Variants in ZC3H12C observed in about 807,000 individuals in gnomAD.
The protein encoded by ZC3H12C is probable ribonuclease ZC3H12C.
In ZC3H12C, 20 loss-of-function variants were observed where a neutral mutation model predicts 76.3. That is an observed-to-expected ratio of 0.26 (90% CI 0.18 to 0.38). The LOEUF is 0.38. ZC3H12C is among the 10% of genes least tolerant of loss of function. The probability of loss-of-function intolerance (pLI) is 1.00; values close to 1 mark genes in which losing one functional copy is unlikely to be tolerated. For missense variants in ZC3H12C, 874 were observed against 1,086.5 expected (o/e 0.80, Z 2.75); for synonymous variants, 352 against 399.6 (o/e 0.88, Z 1.42).
At position 110,138,559 on chromosome 11, in the gene ZC3H12C, TC is replaced by T. The variant is rs1357410262; in HGVS notation, c.773+1146del. ...TTATTAATGAGATAGTTTACATTAT[TC>T]TTTTTTTTTTTTTTTAAGACAACGT... On this transcript the variant is annotated intron_variant, in intron 2 of 5. Coordinates refer to ENST00000278590, the MANE Select transcript of ZC3H12C (RefSeq NM_033390.2). Among the ~76,000 whole-genome samples, 381 of 151,890 alleles carry T rather than the reference TC, an allele frequency of 2.5e-3. 1 individual carries two copies. The highest frequency in any genetic ancestry group is 4.4e-3 in the Non-Finnish European group (299 of 67,962).
At chr11:110,163,681 C>T (rs1486412065) in intron 5 of ZC3H12C, among the ~76,000 whole-genome samples, 1 of 152,158 alleles carries the variant, frequency 6.6e-6, no homozygotes, top group East Asian at 1.9e-4. Flanking sequence ...ATCAGATGAG[C>T]ATGGTTCTAT....
At chr11:110,095,785 G>T (rs1007884816) in intron 1 of ZC3H12C, among the ~76,000 whole-genome samples, 1 of 152,180 alleles carries the variant, frequency 6.6e-6, no homozygotes, top group Non-Finnish European at 1.5e-5. Flanking sequence ...AGTGAACCCT[G>T]GAAGGAAAGC....
chr11:110,099,052 G>A (rs552669873), intron 1 of ZC3H12C, among the ~76,000 whole-genome samples: 43 of 152,096 alleles, frequency 2.8e-4, no homozygotes, highest in Non-Finnish European at 4.7e-4. Flanking sequence ...TCCTACATTC[G>A]CTCTCTCATT....
chr11:110,100,548 C>T (rs1428799343), intron 1 of ZC3H12C, among the ~76,000 whole-genome samples: 1 of 152,114 alleles, frequency 6.6e-6, no homozygotes, highest in Non-Finnish European at 1.5e-5. Context: ...AGCATTTGCT[C>T]CCTTTGTGTT....
At chr11:110,159,091 A>G (rs899959211) in intron 3 of ZC3H12C, among the ~76,000 whole-genome samples, 165 bp from the exon 4 acceptor site, 2 of 152,196 alleles carry the variant, frequency 1.3e-5, no homozygotes, top group East Asian at 1.9e-4. Context: ...GAAAAATACT[A>G]TTGAGAGTTG....
rs1374855664 is a variant in ZC3H12C, at chr11:110,170,270, GATAAATGGGAA to G, written c.*4534_*4544del. ...CTTTCATAAACTTTTCATTTCTGTT[GATAAATGGGAA>G]TCCCTTACCAACCTTTTGTTTTTTA... On this transcript the variant is annotated 3_prime_UTR_variant, in exon 6 of 6. Coordinates refer to ENST00000278590, the MANE Select transcript of ZC3H12C (RefSeq NM_033390.2). 6 of 151,952 alleles carry G rather than the reference GATAAATGGGAA, an allele frequency of 3.9e-5. No homozygotes were observed. Among genetic ancestry groups the G allele is most frequent in the African/African-American group, 1.4e-4 (6 of 41,380 alleles). 9.4% of individuals were successfully genotyped at this position (151,952 alleles called of 1,614,324 possible). A position where few individuals can be genotyped will look rare whatever the true frequency, so the allele number is the denominator to read the frequency against.
chr11:110,150,955 G>A (rs747962655), intron 2 of ZC3H12C, among the ~76,000 whole-genome samples: 25 of 152,124 alleles, frequency 1.6e-4, no homozygotes, highest in South Asian at 2.1e-4. Context: ...GGATGTTTTC[G>A]GCTGCAAATA....
chr11:110,094,231 G>A (rs1047243429), intron 1 of ZC3H12C, among the ~76,000 whole-genome samples: 6 of 152,162 alleles, frequency 3.9e-5, no homozygotes, highest in African/African-American at 1.4e-4. Flanking sequence ...TCGGTGTTTT[G>A]TGATAAAGAG....
intron 1 of ZC3H12C, among the ~76,000 whole-genome samples, chr11:110,111,083 G>A (rs1490971701): frequency 6.6e-6 from 1 of 152,198 alleles, no homozygotes; most frequent in Non-Finnish European, 1.5e-5. Context: ...GAGTGAAGAT[G>A]TGGCAGGTGG....
rs570777228 is a variant in ZC3H12C at position 110,130,503 on chromosome 11, A to G, written c.22-6160A>G. ...TCATTTCACCAGTAACTCATTTATT[A>G]AAGACAGGGATTACTGCAATAGTTA... On this transcript the variant is annotated intron_variant, in intron 1 of 5. Transcript: ENST00000278590. Among the ~76,000 whole-genome samples the G allele has an allele frequency of 2.0e-5, 3 of 152,342 alleles. 1 individual carries two copies. The South Asian group carries it at 6.2e-4, about 32-fold the overall frequency.
rs571960705 is a variant in ZC3H12C at position 110,099,909 on chromosome 11, T to TC, written c.21+6480dup. Among the ~76,000 whole-genome samples, 104 of 152,304 alleles carry TC rather than the reference T, an allele frequency of 6.8e-4. No individual in the cohort carries two copies. In the East Asian group the frequency reaches 0.016, roughly 23 times the overall value. On this transcript the variant is annotated intron_variant, in intron 1 of 5. Transcript: ENST00000278590. Reference sequence around the variant, plus strand: ...CCCTGTGTTTCCAAAATACTTTTTTTCCCATAACACTTGCATATTAGATGA... The same window carrying TC: ...CCCTGTGTTTCCAAAATACTTTTTTTCCCCATAACACTTGCATATTAGATGA...
In ZC3H12C at chr11:110,164,029, G is replaced by A. The variant is rs1262750395; in HGVS notation, c.1256-312G>A. ...GCATAAGAATTGCTTGAACCCGAGA[G>A]GCAGAGGTTGCAGTGAGCTGAGATC... On this transcript the variant is annotated intron_variant, in intron 5 of 5. Coordinates refer to ENST00000278590, the MANE Select transcript of ZC3H12C (RefSeq NM_033390.2). This position sits in a 1 kb window ranked among gnomAD's most constrained non-coding sequence, Gnocchi z 5.7. Among the ~76,000 whole-genome samples, 2 of 151,722 alleles carry A rather than the reference G, an allele frequency of 1.3e-5. No individual in the cohort carries two copies. The highest frequency in any genetic ancestry group is 1.9e-4 in the East Asian group (1 of 5,194).
rs765123686 is a variant in ZC3H12C, at chr11:110,163,273, G to A, written c.1149G>A (p.Lys383=). ...RLLMYSFVND[K]FMPPDDPLGR... The stretch of plus-strand genomic sequence containing the variant: ...CATTTTTTTATTATCTCCATGACAG[G>A]TTCATGCCCCCTGATGACCCTCTTG... The change falls in exon 5 of 6, where the codon AAG becomes AAA. Residue 383 remains lysine, a splice_region_variant and synonymous_variant. Coordinates refer to ENST00000278590, the MANE Select transcript of ZC3H12C (RefSeq NM_033390.2). 3 of 1,610,706 alleles carry A rather than the reference G, an allele frequency of 1.9e-6. No individual in the cohort carries two copies. The Admixed American group carries it at 5.0e-5, about 27-fold the overall frequency.
chr11:110,111,600 C>T (rs539194825), intron 1 of ZC3H12C, among the ~76,000 whole-genome samples: 24 of 149,558 alleles, frequency 1.6e-4, no homozygotes, highest in East Asian at 8.1e-4. Flanking sequence ...GGCACGATCA[C>T]GGCTCACTGC....
In ZC3H12C at chr11:110,168,209, G is replaced by C. The variant is rs564113185; in HGVS notation, c.*2472G>C. The stretch of plus-strand genomic sequence containing the variant: ...AAATTATGGGAAAATAGTGTAGCCA[G>C]CTGCCACCTCTACTGAAGTGAGTAG... On this transcript the variant is annotated 3_prime_UTR_variant, in exon 6 of 6. Transcript: ENST00000278590. 8.5e-5 allele frequency: 13 copies of C among 152,216 alleles called. No homozygotes were observed. In the East Asian group the frequency reaches 2.3e-3, roughly 27 times the overall value. The allele number at this position is 152,216 out of a possible 1,614,324, so 9.4% of individuals were successfully genotyped here.
chr11:110,129,288 ACTTTAT>A (rs1197573093), intron 1 of ZC3H12C, among the ~76,000 whole-genome samples: 11 of 152,204 alleles, frequency 7.2e-5, no homozygotes, highest in African/African-American at 2.7e-4. Context: ...GTAATATGGT[ACTTTAT>A]CTTTTAGTTT....
At chr11:110,117,713 TACACACACACA>T (rs1861555576) in intron 1 of ZC3H12C, among the ~76,000 whole-genome samples, 1 of 13,896 alleles carries the variant, frequency 7.2e-5, no homozygotes, top group Non-Finnish European at 1.5e-4. Context: ...ATTATATATA[TACACACACACA>T]TATATATATA....
At chr11:110,111,240 T>C (rs1459716848) in intron 1 of ZC3H12C, among the ~76,000 whole-genome samples, 1 of 152,168 alleles carries the variant, frequency 6.6e-6, no homozygotes, top group Non-Finnish European at 1.5e-5. Flanking sequence ...TGATAGCAAA[T>C]GAATGTGCAT....
At chr11:110,119,906 A>C (rs1029406319) in intron 1 of ZC3H12C, among the ~76,000 whole-genome samples, 12 of 152,158 alleles carry the variant, frequency 7.9e-5, no homozygotes, top group African/African-American at 2.7e-4. Flanking sequence ...ATCACATTGG[A>C]TGTTTGTTTC....
Sources: allele counts gnomAD v4.1 joint callset (sites outside exome capture counted in the v4.1 genomes callset), GRCh38; gene constraint gnomAD v4.1.1; non-coding constraint Gnocchi (gnomAD v3.1); transcripts MANE v1.5; gene names NCBI Gene and HGNC (gene_info 2026-07-23, HGNC 2026-07-21).